The following CLEC20A variants were observed in gnomAD, a reference collection of about 807,000 sequenced individuals.
CLEC20A encodes putative C-type lectin domain family 20 member A.
At chr1:178,483,408 A>G (rs968822867) in intron 5 of CLEC20A, 126 bp from the exon 6 acceptor site, 25 of 395,248 alleles carry the variant, frequency 6.3e-5, no homozygotes, top group Non-Finnish European at 4.0e-5. Context: ...CAGTTGCTGC[A>G]GAAGCCAGCG....
rs147316770 is a variant in CLEC20A at position 178,483,754 on chromosome 1, G to A, written c.929-472C>T. 3.7e-3 allele frequency: 570 copies of A among 152,706 alleles called. 2 individuals are homozygous for A. Among genetic ancestry groups the A allele is most frequent in the African/African-American group, 0.013 (525 of 41,574 alleles). The allele number at this position is 152,706 out of a possible 1,614,324, so 9.5% of individuals were successfully genotyped here. A position where few individuals can be genotyped will look rare whatever the true frequency, so the allele number is the denominator to read the frequency against. ...TGTATGGCTGGCCATGCCCGGAGGC[G>A]CTCCAGCCAGAGACCCTGGTGTCCT... On this transcript the variant is annotated intron_variant, in intron 5 of 7. Transcript: ENST00000623247.
At chr1:178,498,708 A>G (rs1649456521), upstream of CLEC20A, among the ~76,000 whole-genome samples, 1 of 152,188 alleles carries the variant, frequency 6.6e-6, no homozygotes, top group Non-Finnish European at 1.5e-5. Flanking sequence ...CACAACATCA[A>G]ACATGCTGTT....
intron 3 of CLEC20A, among the ~76,000 whole-genome samples, chr1:178,491,881 C>T (rs1487901288): frequency 6.6e-6 from 1 of 152,172 alleles, no homozygotes; most frequent in Non-Finnish European, 1.5e-5. Context: ...ACCCTGTCCC[C>T]AACCCCAGAG....
At chr1:178,480,018 T>C (rs1057410326) in intron 7 of CLEC20A, 5 of 133,332 alleles carry the variant, frequency 3.8e-5, no homozygotes, top group Non-Finnish European at 7.8e-5. Context: ...TTTTTTTTTT[T>C]CTTTTTAACC....
chr1:178,488,970 T>TG (rs577285042), intron 4 of CLEC20A, among the ~76,000 whole-genome samples: 2,904 of 150,084 alleles, frequency 0.019, 44 homozygotes, highest in Middle Eastern at 0.052. Context: ...TTCTTTGAGG[T>TG]GGGGGGGGCG....
At chr1:178,492,702 C>A in intron 2 of CLEC20A, 136 bp from the exon 3 acceptor site, 2 of 397,060 alleles carry the variant, frequency 5.0e-6, no homozygotes, top group Non-Finnish European at 4.4e-6. Flanking sequence ...CGATTCAATC[C>A]ATTCAATAAA....
At chr1:178,494,832 T>C (rs1473986599) in intron 1 of CLEC20A, 22 bp from the exon 2 acceptor site, 1 of 399,054 alleles carries the variant, frequency 2.5e-6, no homozygotes, top group Non-Finnish European at 4.4e-6. Flanking sequence ...GAGGCTGTCA[T>C]AGCATGGCTG....
At chr1:178,492,410 G>T in intron 3 of CLEC20A, 91 bp downstream of exon 3, 1 of 398,578 alleles carries the variant, frequency 2.5e-6, no homozygotes, top group Non-Finnish European at 4.4e-6. Context: ...GGGGACGCGG[G>T]GGTGGAGATC....
upstream of CLEC20A, among the ~76,000 whole-genome samples, chr1:178,499,201 T>C (rs760068760): frequency 2.6e-5 from 4 of 152,218 alleles, no homozygotes; most frequent in East Asian, 3.8e-4. Flanking sequence ...GTGAGCTCCT[T>C]GAGAGCACGG....
At chr1:178,482,525 A>G in intron 6 of CLEC20A, 128 bp from the exon 7 acceptor site, 1 of 396,576 alleles carries the variant, frequency 2.5e-6, no homozygotes, top group Non-Finnish European at 4.4e-6. Flanking sequence ...AGAAGAAGAA[A>G]GAAACTGCTG....
intron 5 of CLEC20A, 51 bp from the exon 6 acceptor site, chr1:178,483,333 G>C (rs766257357): frequency 5.0e-6 from 2 of 398,418 alleles, no homozygotes; most frequent in Non-Finnish European, 8.9e-6. Flanking sequence ...CAGGAGTAAG[G>C]TGGCCTGATA....
rs1254564492 is a variant in CLEC20A at position 178,488,612 on chromosome 1, AGAGT to A, written c.830-17_830-14del. The A allele has an allele frequency of 5.0e-6, 2 of 398,646 alleles. No homozygotes were observed. The highest frequency in any genetic ancestry group is 8.8e-6 in the Non-Finnish European group (2 of 226,142). The allele number at this position is 398,646 out of a possible 1,614,324, so 24.7% of individuals were successfully genotyped here. On this transcript the variant is annotated splice_polypyrimidine_tract_variant and intron_variant, in intron 4 of 7. Coordinates refer to ENST00000623247, the Ensembl canonical transcript of CLEC20A. ...CCAGTGGAGGAGTCTGCAAGAAAAC[AGAGT>A]GAGTGTGAGGGCAGGGTCTGCAACA...
intron 2 of CLEC20A, chr1:178,493,623 A>G (rs539346155): frequency 1.3e-5 from 2 of 152,416 alleles, no homozygotes; most frequent in South Asian, 2.1e-4. Flanking sequence ...AGCCTTGCGC[A>G]TGGCGTACCG....
intron 6 of CLEC20A, 36 bp from the exon 7 acceptor site, chr1:178,482,433 T>C (rs1649013942): frequency 2.5e-6 from 1 of 398,498 alleles, no homozygotes; most frequent in African/African-American, 2.1e-5. Flanking sequence ...AGGGGGATAT[T>C]ATCCTATTTC....
chr1:178,490,745 T>A (rs1192849789), intron 3 of CLEC20A, among the ~76,000 whole-genome samples: 1 of 152,194 alleles, frequency 6.6e-6, no homozygotes, highest in Non-Finnish European at 1.5e-5. Context: ...GGGAAAATAA[T>A]AGTACCTAAG....
rs1325666803 is a variant in CLEC20A at position 178,488,497 on chromosome 1, G to T, written c.928+4C>A. ...AGATCCAGCCAAGGGCAGGCTCAAA[G>T]CACCTCTGCCTGGCCTGGGAGTTGT... On this transcript the variant is annotated splice_donor_region_variant and intron_variant, in intron 5 of 7. Coordinates refer to ENST00000623247, the Ensembl canonical transcript of CLEC20A. 5.0e-6 allele frequency: 2 copies of T among 398,692 alleles called. No individual in the cohort carries two copies. The highest frequency in any genetic ancestry group is 2.1e-5 in the African/African-American group (1 of 48,656). 24.7% of individuals were successfully genotyped at this position (398,692 alleles called of 1,614,324 possible).
exon 2 of CLEC20A, chr1:178,494,580 G>C (rs1649341977): frequency 5.0e-6 from 2 of 399,238 alleles, no homozygotes; most frequent in Non-Finnish European, 4.4e-6. Flanking sequence ...CCCCACTCCA[G>C]GGCTGTGAAG....
intron 5 of CLEC20A, among the ~76,000 whole-genome samples, chr1:178,485,419 C>T (rs1479802377): frequency 6.6e-6 from 1 of 152,216 alleles, no homozygotes; most frequent in Non-Finnish European, 1.5e-5. Flanking sequence ...TTGTCATTCC[C>T]AAGCAAACCA....
chr1:178,490,549 G>C, intron 3 of CLEC20A, 112 bp from the exon 4 acceptor site: 2 of 397,616 alleles, frequency 5.0e-6, no homozygotes, highest in Non-Finnish European at 8.9e-6. Flanking sequence ...CTTGTCCCTG[G>C]TCCTTGAGTA....
Sources: gnomAD v4.1 joint callset for allele counts (sites outside exome capture counted in the v4.1 genomes callset) on GRCh38, gnomAD v4.1.1 for gene constraint, MANE v1.5 for transcripts, NCBI Gene and HGNC (gene_info 2026-07-23, HGNC 2026-07-21) for gene names.